DLG2: variants seen among roughly 807,000 people sequenced by gnomAD.
The protein encoded by DLG2 is disks large homolog 2.
DLG2 carries 45 observed loss-of-function variants against 132.5 expected under a neutral mutation model. The observed-to-expected ratio is 0.34, with a 90% CI of 0.27 to 0.44. DLG2 has a LOEUF of 0.44. DLG2 is among the 20% of genes least tolerant of loss of function. The pLI is 1.00. For missense variants in DLG2, 1,045 were observed against 1,196.9 expected, an observed-to-expected ratio of 0.87 and a Z score of 1.87; for synonymous variants, 424 against 419.6, an observed-to-expected ratio of 1.01 and a Z score of -0.13.
At chr11:83,994,430 T>C (rs1445591254) in intron 11 of DLG2, among the ~76,000 whole-genome samples, 3 of 152,136 alleles carry the variant, frequency 2.0e-5, no homozygotes, top group East Asian at 3.9e-4. Flanking sequence ...CAGGGGTCTA[T>C]GCTATGTTGT....
At chr11:84,765,515 G>A (rs2068281686) in intron 6 of DLG2, among the ~76,000 whole-genome samples, 1 of 152,012 alleles carries the variant, frequency 6.6e-6, no homozygotes, top group Non-Finnish European at 1.5e-5. Context: ...CATAGAAATT[G>A]GACAAACTAC....
intron 6 of DLG2, among the ~76,000 whole-genome samples, chr11:84,552,142 A>G (rs1157133354): frequency 6.6e-6 from 1 of 152,186 alleles, no homozygotes; most frequent in Non-Finnish European, 1.5e-5. Context: ...AATGGATCTA[A>G]TACAAGTTTA....
intron 4 of DLG2, among the ~76,000 whole-genome samples, chr11:85,268,599 G>C (rs2077353910): frequency 6.6e-6 from 1 of 152,094 alleles, no homozygotes; most frequent in Non-Finnish European, 1.5e-5. Flanking sequence ...AAATTTTCAG[G>C]GTTCACATGG....
chr11:84,529,297 A>C (rs1026095828), intron 7 of DLG2, among the ~76,000 whole-genome samples: 5 of 152,200 alleles, frequency 3.3e-5, no homozygotes, highest in African/African-American at 1.2e-4. Context: ...TAGACAAAGC[A>C]ATCAGGCAAG....
At chr11:83,472,131 T>C (rs1258059646) in intron 23 of DLG2, among the ~76,000 whole-genome samples, 1 of 152,166 alleles carries the variant, frequency 6.6e-6, no homozygotes, top group East Asian at 1.9e-4. Context: ...TAATAACATC[T>C]TATGTTTTCA....
intron 3 of DLG2, among the ~76,000 whole-genome samples, chr11:85,350,867 G>C (rs1033236734): frequency 1.3e-5 from 2 of 152,098 alleles, no homozygotes; most frequent in Admixed American, 6.6e-5. Flanking sequence ...TGTTCTTTTG[G>C]CTTAGGATTG....
intron 18 of DLG2, among the ~76,000 whole-genome samples, chr11:83,663,888 A>C (rs950713851): frequency 5.9e-5 from 9 of 152,214 alleles, no homozygotes; most frequent in African/African-American, 2.2e-4. Context: ...AATAAGATTG[A>C]GGCACTGAAA....
intron 18 of DLG2, among the ~76,000 whole-genome samples, chr11:83,704,588 A>G (rs143518940): frequency 0.012 from 1,825 of 151,246 alleles, 44 homozygotes; most frequent in African/African-American, 0.039. Context: ...AGGCTGAGGC[A>G]GGTGGATCAC....
At chr11:84,223,556 CTTTT>C (rs5793116) in intron 8 of DLG2, among the ~76,000 whole-genome samples, 3 of 131,560 alleles carry the variant, frequency 2.3e-5, no homozygotes, top group Admixed American at 7.7e-5. Flanking sequence ...ATTTATGTGA[CTTTT>C]TTTTTTTTTT....
intron 3 of DLG2, among the ~76,000 whole-genome samples, chr11:85,313,050 C>A (rs749163066): frequency 4.0e-5 from 6 of 151,752 alleles, no homozygotes; most frequent in Non-Finnish European, 4.4e-5. Context: ...GCTTTTGAGA[C>A]GAGACCATAC....
intron 3 of DLG2, chr11:85,285,958 T>C (rs1468938876): frequency 3.0e-6 from 1 of 331,854 alleles, no homozygotes; most frequent in Non-Finnish European, 5.7e-6. Context: ...AACCTTAACG[T>C]AGGCAAATTA....
chr11:84,344,650 T>C (rs2098531198), intron 7 of DLG2, among the ~76,000 whole-genome samples: 1 of 152,190 alleles, frequency 6.6e-6, no homozygotes, highest in South Asian at 2.1e-4. Context: ...ACTTCCTTCA[T>C]CTAACTTAAT....
intron 6 of DLG2, among the ~76,000 whole-genome samples, chr11:84,870,402 T>C (rs1003684271): frequency 4.6e-5 from 7 of 152,214 alleles, no homozygotes; most frequent in African/African-American, 1.7e-4. Context: ...ACAAGTGACC[T>C]AGAGGAAGAA....
At chr11:84,880,662 T>C (rs1600675761) in intron 6 of DLG2, among the ~76,000 whole-genome samples, 1 of 152,158 alleles carries the variant, frequency 6.6e-6, no homozygotes, top group Non-Finnish European at 1.5e-5. Flanking sequence ...CATTTCCTTC[T>C]TTCAAAGTAG....
chr11:84,632,683 G>A (rs61898998), intron 6 of DLG2, among the ~76,000 whole-genome samples: 17,642 of 152,154 alleles, frequency 0.12, 1,050 homozygotes, highest in East Asian at 0.2. Flanking sequence ...CTTCTAATAC[G>A]CTTAAGCCAT....
rs138562537 is a variant in DLG2 at position 84,921,866 on chromosome 11, T to C, written c.357+189795A>G. ...TATTTTTTTCATGTTGTTTACTGTC[T>C]ACATCTTATACATGGAGGAAAATTG... On this transcript the variant is annotated intron_variant, in intron 6 of 27. Coordinates refer to ENST00000376104, the MANE Select transcript of DLG2 (RefSeq NM_001142699.3). 6.6e-3 allele frequency among the ~76,000 whole-genome samples: 1,000 copies of C among 152,334 alleles called. 10 individuals carry two copies. The highest frequency in any genetic ancestry group is 0.023 in the African/African-American group (940 of 41,576).
intron 6 of DLG2, among the ~76,000 whole-genome samples, chr11:84,910,318 T>A (rs1298834774): frequency 6.6e-6 from 1 of 152,222 alleles, no homozygotes; most frequent in African/African-American, 2.4e-5. Context: ...GAAGCTTCAA[T>A]TTTTCTTTAA....
chr11:84,828,019 G>A (rs990858415), intron 6 of DLG2, among the ~76,000 whole-genome samples: 2 of 151,718 alleles, frequency 1.3e-5, no homozygotes, highest in African/African-American at 4.8e-5. Context: ...CCTTAAATAC[G>A]TCAGACATTT....
At chr11:85,443,905 G>A (rs1184173025) in intron 3 of DLG2, among the ~76,000 whole-genome samples, 1 of 152,090 alleles carries the variant, frequency 6.6e-6, no homozygotes, top group East Asian at 1.9e-4. Flanking sequence ...ATTTTTTCAG[G>A]AGTATGTTTG....
Sources: gnomAD v4.1 joint callset for allele counts (sites outside exome capture counted in the v4.1 genomes callset) on GRCh38, gnomAD v4.1.1 for gene constraint, MANE v1.5 for transcripts, NCBI Gene and HGNC (gene_info 2026-07-23, HGNC 2026-07-21) for gene names.